The following RNF180 variants were observed in gnomAD, a reference collection of about 807,000 sequenced individuals.
RNF180 encodes ring finger protein 180, also known as E3 ubiquitin-protein ligase RNF180.
Under a neutral mutation model 59.2 loss-of-function variants are expected in RNF180, and 38 were observed. That is an observed-to-expected ratio of 0.64 (90% CI 0.50 to 0.84). The LOEUF (loss-of-function observed/expected upper bound fraction) is 0.84, where lower values mean the gene tolerates loss of function less well. Ranked by LOEUF, RNF180 falls within the 40% of genes least tolerant of loss-of-function variation. The pLI, the probability that RNF180 is intolerant of heterozygous loss-of-function variation, is 0.00. For synonymous variants in RNF180, 262 were observed against 240.3 expected (o/e 1.09, Z -0.84); for missense variants, 705 against 700.9 (o/e 1.01, Z -0.07).
chr5:64,271,693 T>A (rs1741408580), intron 5 of RNF180, among the ~76,000 whole-genome samples: 1 of 152,126 alleles, frequency 6.6e-6, no homozygotes, highest in South Asian at 2.1e-4. Context: ...TAGTAACATG[T>A]TGCTGACTAG....
intron 5 of RNF180, among the ~76,000 whole-genome samples, chr5:64,256,463 T>C (rs945300431): frequency 1.3e-5 from 2 of 152,224 alleles, no homozygotes; most frequent in African/African-American, 4.8e-5. Flanking sequence ...TAGGGAATCC[T>C]TTCCCCATTG....
At chr5:64,348,680 A>G (rs150286956) in intron 7 of RNF180, among the ~76,000 whole-genome samples, 116 of 152,218 alleles carry the variant, frequency 7.6e-4, no homozygotes, top group African/African-American at 2.8e-3. Context: ...CATTAAATTA[A>G]TGGAGTCTGA....
intron 5 of RNF180, among the ~76,000 whole-genome samples, chr5:64,249,078 G>A (rs554923893): frequency 8.5e-5 from 13 of 152,244 alleles, no homozygotes; most frequent in African/African-American, 3.1e-4. Flanking sequence ...CACAGGCAGG[G>A]TAACATCACA....
In RNF180 at chr5:64,370,229, A is replaced by G. The variant is rs1451163063; in HGVS notation, c.*415A>G. ...ATTTAGTCAATCACCACTTATTCTCAGGCAAATTATATGTATTAAAGATAA... is the reference window on the plus strand; with the variant it reads ...ATTTAGTCAATCACCACTTATTCTCGGGCAAATTATATGTATTAAAGATAA... On this transcript the variant is annotated 3_prime_UTR_variant, in exon 8 of 8. Transcript: ENST00000389100. 6.5e-6 allele frequency: 1 copy of G among 153,174 alleles called. No homozygotes were observed. Among genetic ancestry groups the G allele is most frequent in the Non-Finnish European group, 1.5e-5 (1 of 68,804 alleles). 9.5% of individuals were successfully genotyped at this position (153,174 alleles called of 1,614,324 possible).
chr5:64,171,201 C>G (rs1749915231), intron 1 of RNF180, among the ~76,000 whole-genome samples: 1 of 152,144 alleles, frequency 6.6e-6, no homozygotes, highest in Non-Finnish European at 1.5e-5. Flanking sequence ...TTAAGTATCC[C>G]ATTCATTTTA....
At chr5:64,302,479 T>C (rs1743210028) in intron 5 of RNF180, among the ~76,000 whole-genome samples, 2 of 151,544 alleles carry the variant, frequency 1.3e-5, no homozygotes, top group African/African-American at 4.8e-5. Flanking sequence ...ATATATGTCT[T>C]TTTAGGGCTG....
At chr5:64,173,009 A>AT (rs1325959575) in intron 1 of RNF180, among the ~76,000 whole-genome samples, 4 of 152,228 alleles carry the variant, frequency 2.6e-5, no homozygotes, top group Non-Finnish European at 4.4e-5. Flanking sequence ...TTAAATAATT[A>AT]TCCTGGTAAT....
chr5:64,315,734 C>CAAAAAAA (rs869200360), intron 5 of RNF180, among the ~76,000 whole-genome samples: 1 of 53,048 alleles, frequency 1.9e-5, no homozygotes, highest in Non-Finnish European at 4.5e-5. Flanking sequence ...GTAACTGTCT[C>CAAAAAAA]AAAAAAAAAA....
intron 5 of RNF180, among the ~76,000 whole-genome samples, chr5:64,223,167 T>G (rs1301915974): frequency 6.6e-6 from 1 of 152,340 alleles, no homozygotes; most frequent in East Asian, 1.9e-4. Context: ...TTTTTCCAGC[T>G]TCTAGAGTCT....
At chr5:64,295,212 C>T (rs545619451) in intron 5 of RNF180, among the ~76,000 whole-genome samples, 2 of 152,210 alleles carry the variant, frequency 1.3e-5, no homozygotes, top group African/African-American at 4.8e-5. Flanking sequence ...GCCATTTGGC[C>T]ACTTGTTCTG....
At chr5:64,200,727 A>G in intron 1 of RNF180, 81 bp from the exon 2 acceptor site, 1 of 1,191,078 alleles carries the variant, frequency 8.4e-7, no homozygotes, top group Non-Finnish European at 1.2e-6. Context: ...GTCCACTTGT[A>G]GCTAATGCCA....
intron 5 of RNF180, among the ~76,000 whole-genome samples, chr5:64,323,944 A>C (rs1744497949): frequency 6.6e-6 from 1 of 152,182 alleles, no homozygotes. Context: ...CCAAGAACCT[A>C]CTGGTGATGT....
intron 7 of RNF180, among the ~76,000 whole-genome samples, chr5:64,339,513 C>G (rs912182698): frequency 1.3e-5 from 2 of 152,076 alleles, no homozygotes; most frequent in Admixed American, 1.3e-4. Context: ...CCTGTGATTT[C>G]AAGTTATACC....
rs193230106 is a variant in RNF180 at position 64,245,465 on chromosome 5, A to G, written c.1227+28069A>G. Among the ~76,000 whole-genome samples the G allele has an allele frequency of 1.1e-4, 16 of 152,340 alleles. No individual in the cohort carries two copies. The East Asian group carries it at 3.1e-3, about 29-fold the overall frequency. Reference sequence around the variant, plus strand: ...GAAAGCAAAAAAAGCAGGGGTTGCAATCCTAGTCTCTGATAAAACAGACTT... The same window carrying G: ...GAAAGCAAAAAAAGCAGGGGTTGCAGTCCTAGTCTCTGATAAAACAGACTT... On this transcript the variant is annotated intron_variant, in intron 5 of 7. Coordinates refer to ENST00000389100, the MANE Select transcript of RNF180 (RefSeq NM_001113561.2).
At chr5:64,363,773 T>G (rs1746345929) in intron 7 of RNF180, among the ~76,000 whole-genome samples, 1 of 151,922 alleles carries the variant, frequency 6.6e-6, no homozygotes, top group African/African-American at 2.4e-5. Context: ...GAGCAGTGGT[T>G]TGTAGTTTTT....
In RNF180 at chr5:64,213,935, A is replaced by G. The variant is rs750136387; in HGVS notation, c.609A>G (p.Ser203=). 4 of 1,613,952 alleles carry G rather than the reference A, an allele frequency of 2.5e-6. No homozygotes were observed. The highest frequency in any genetic ancestry group is 1.7e-5 in the Admixed American group (1 of 59,934). Residue 203 remains serine, a synonymous_variant, in exon 4 of 8, where the codon TCA becomes TCG. Coordinates refer to ENST00000389100, the MANE Select transcript of RNF180 (RefSeq NM_001113561.2). ...MKNEKLLSKA[S]EPKYQLFVPQ... ...ACGAAAAACTGCTGTCCAAAGCATC[A>G]GAACCAAAATACCAGCTTTTTGTTC... is the stretch of plus-strand genomic sequence containing the variant.
At chr5:64,326,301 C>T (rs1432917531) in intron 6 of RNF180, among the ~76,000 whole-genome samples, 7 of 151,850 alleles carry the variant, frequency 4.6e-5, no homozygotes, top group Non-Finnish European at 1.0e-4. Context: ...AAATATTGTA[C>T]TACCAGAAAC....
At position 64,343,870 on chromosome 5, in the gene RNF180, A is replaced by T. The variant is rs73105037; in HGVS notation, c.1579+13464A>T. On this transcript the variant is annotated intron_variant, in intron 7 of 7. Transcript: ENST00000389100. ...AAAGGTAGCTCTTTAGGGCAAAAGG[A>T]TCCTAGCTGGAAGCACAGAACTTTA... 8.4e-3 allele frequency among the ~76,000 whole-genome samples: 1,272 copies of T among 151,672 alleles called. 21 individuals carry two copies. Among genetic ancestry groups the T allele is most frequent in the African/African-American group, 0.029 (1,215 of 41,398 alleles).
chr5:64,246,540 A>G (rs1224319742), intron 5 of RNF180, among the ~76,000 whole-genome samples: 1 of 152,144 alleles, frequency 6.6e-6, no homozygotes, highest in Non-Finnish European at 1.5e-5. Flanking sequence ...GGACACATAC[A>G]CCCTCCTCAG....
Sources: gnomAD v4.1 joint callset for allele counts (sites outside exome capture counted in the v4.1 genomes callset) on GRCh38, gnomAD v4.1.1 for gene constraint, MANE v1.5 for transcripts, NCBI Gene and HGNC (gene_info 2026-07-23, HGNC 2026-07-21) for gene names.